MTSS1: variants seen among roughly 807,000 people sequenced by gnomAD.
MTSS1 encodes the protein MTSS I-BAR domain containing 1, also known as protein MTSS 1.
A neutral mutation model predicts 79.0 loss-of-function variants in MTSS1; 18 were observed. That is an observed-to-expected ratio of 0.23 (90% CI 0.16 to 0.34). MTSS1 has a LOEUF of 0.34. Ranked by LOEUF, MTSS1 falls within the 10% of genes least tolerant of loss-of-function variation. The pLI is 1.00. For missense variants in MTSS1, 815 were observed against 986.2 expected, an observed-to-expected ratio of 0.83 and a Z score of 2.33; for synonymous variants, 341 against 368.6, an observed-to-expected ratio of 0.93 and a Z score of 0.86.
At chr8:124,589,044 T>G (rs1831368119) in intron 5 of MTSS1, among the ~76,000 whole-genome samples, 1 of 149,612 alleles carries the variant, frequency 6.7e-6, no homozygotes, top group South Asian at 2.1e-4. Flanking sequence ...TTTTTTTTGT[T>G]TTTTGAGATG....
intron 3 of MTSS1, among the ~76,000 whole-genome samples, chr8:124,636,199 C>T (rs112244795): frequency 2.0e-5 from 3 of 152,080 alleles, no homozygotes; most frequent in Non-Finnish European, 4.4e-5. Context: ...GCACGATCTC[C>T]GCTCACTGCA....
At chr8:124,715,333 CT>C (rs1261196994) in intron 1 of MTSS1, among the ~76,000 whole-genome samples, 38 of 152,214 alleles carry the variant, frequency 2.5e-4, no homozygotes, top group African/African-American at 9.2e-4. Flanking sequence ...ATGTTCTTTT[CT>C]TTTTCTCTTT....
intron 3 of MTSS1, among the ~76,000 whole-genome samples, chr8:124,625,049 A>T (rs1393739677): frequency 6.6e-6 from 1 of 152,198 alleles, no homozygotes; most frequent in Non-Finnish European, 1.5e-5. Context: ...CCAAAAATGC[A>T]AATCTTTTCT....
intron 3 of MTSS1, among the ~76,000 whole-genome samples, chr8:124,634,868 T>C (rs1816705119): frequency 1.3e-5 from 2 of 152,180 alleles, no homozygotes; most frequent in Admixed American, 1.3e-4. Context: ...TTTGACAGGA[T>C]CCCAAGCAAT....
rs1364068093 is a variant in MTSS1 at position 124,683,925 on chromosome 8, C to G, written c.208+15601G>C. 6.6e-6 allele frequency among the ~76,000 whole-genome samples: 1 copy of G among 152,112 alleles called. No individual in the cohort carries two copies. Among genetic ancestry groups the G allele is most frequent in the Non-Finnish European group, 1.5e-5 (1 of 68,020 alleles). ...CATTTCCATTATCAAACCAAGGAGACCGAAAAAGTGACCTGGGCCATAGGA... is the reference window on the plus strand; with the variant it reads ...CATTTCCATTATCAAACCAAGGAGAGCGAAAAAGTGACCTGGGCCATAGGA... On this transcript the variant is annotated intron_variant, in intron 3 of 13. Transcript: ENST00000518547. The surrounding 1 kb of genome is among the most constrained non-coding windows in gnomAD (Gnocchi z 4.5).
intron 1 of MTSS1, among the ~76,000 whole-genome samples, chr8:124,714,993 C>G (rs965454771): frequency 6.6e-6 from 1 of 152,204 alleles, no homozygotes; most frequent in African/African-American, 2.4e-5. Flanking sequence ...GTGTTTATTC[C>G]TGTCTATAAA....
At position 124,555,726 on chromosome 8, in the gene MTSS1, C is replaced by T. The variant is rs1265669512; in HGVS notation, c.1567+16G>A. ...TGCTCAGAAAGCCTAAGTGCACACC[C>T]CAGGCTGCCTCGTACCTTGGGAAGG... On this transcript the variant is annotated intron_variant, in intron 13 of 13. Transcript: ENST00000518547. 1.3e-6 allele frequency: 2 copies of T among 1,593,210 alleles called. No individual in the cohort carries two copies. Among genetic ancestry groups the T allele is most frequent in the African/African-American group, 1.3e-5 (1 of 74,640 alleles).
chr8:124,631,229 C>G (rs557314888), intron 3 of MTSS1, among the ~76,000 whole-genome samples: 2 of 152,166 alleles, frequency 1.3e-5, no homozygotes, highest in African/African-American at 4.8e-5. Context: ...ATTCCAGGCA[C>G]GCTGCCACAG....
chr8:124,723,518 AG>A (rs11348924), intron 1 of MTSS1, among the ~76,000 whole-genome samples: 152,239 of 152,240 alleles, frequency 1, 76,119 homozygotes, highest in Middle Eastern at 1. Context: ...CTAAATAGGG[AG>A]GGGGTTTTCA....
At chr8:124,726,306 T>C (rs1833692164) in intron 1 of MTSS1, among the ~76,000 whole-genome samples, 1 of 152,076 alleles carries the variant, frequency 6.6e-6, no homozygotes, top group African/African-American at 2.4e-5. Flanking sequence ...GATTCTGGAT[T>C]AAAGAACAAA....
intron 9 of MTSS1, among the ~76,000 whole-genome samples, chr8:124,563,868 C>T (rs762828869): frequency 4.6e-5 from 7 of 152,176 alleles, no homozygotes; most frequent in Non-Finnish European, 1.0e-4. Context: ...CGGTGGCTTA[C>T]GCCTGTAATC....
At chr8:124,708,659 C>T (rs1830720496) in intron 1 of MTSS1, among the ~76,000 whole-genome samples, 1 of 152,134 alleles carries the variant, frequency 6.6e-6, no homozygotes, top group African/African-American at 2.4e-5. Flanking sequence ...TATCTGCCCC[C>T]ACTTGGAGCG....
chr8:124,726,469 G>A (rs904874661), intron 1 of MTSS1, among the ~76,000 whole-genome samples: 1 of 152,220 alleles, frequency 6.6e-6, no homozygotes, highest in Non-Finnish European at 1.5e-5. Context: ...TGGGCAAGCA[G>A]AGTCTGGCTG....
chr8:124,666,600 A>G (rs1168558166), intron 3 of MTSS1, among the ~76,000 whole-genome samples: 1 of 152,178 alleles, frequency 6.6e-6, no homozygotes, highest in East Asian at 1.9e-4. Context: ...AAACTGAGTG[A>G]CTATGTACCT....
intron 1 of MTSS1, among the ~76,000 whole-genome samples, chr8:124,716,422 G>A (rs1441346264): frequency 1.3e-5 from 2 of 152,212 alleles, no homozygotes; most frequent in Non-Finnish European, 1.5e-5. Flanking sequence ...CGGGGATGGG[G>A]ACACATGTGC....
Position 124,562,858 on chromosome 8 carries a change from T to C in MTSS1, c.959A>G (p.His320Arg), listed in dbSNP as rs1825635703. 1 of 1,613,968 alleles carries C rather than the reference T, an allele frequency of 6.2e-7. No individual in the cohort carries two copies. Among genetic ancestry groups the C allele is most frequent in the South Asian group, 1.1e-5 (1 of 91,064 alleles). The change falls in exon 10 of 14, where the codon CAT becomes CGT. Residue 320 changes from histidine (H) to arginine (R), a missense_variant. Physicochemically the swap from His to Arg is conservative, Grantham distance 29 (BLOSUM62 0). This residue lies in a region of MTSS1 where 590 missense variants were observed against 620.8 expected (regional missense o/e 0.95). Transcript: ENST00000518547. ...APVRLSSVSS[H>R]DSGFISQDAF... is the part of the protein sequence containing the mutation. The stretch of plus-strand genomic sequence containing the variant: ...ATCCTGGGATATGAATCCTGAGTCA[T>C]GGGAGGACACGCTGGACAGCCTCAC...
intron 3 of MTSS1, among the ~76,000 whole-genome samples, chr8:124,667,647 A>G (rs1353794336): frequency 6.6e-6 from 1 of 152,142 alleles, no homozygotes; most frequent in Non-Finnish European, 1.5e-5. Context: ...TCCGTCTCAA[A>G]AAATAAAAAA....
chr8:124,632,047 C>T lies in MTSS1; in HGVS notation c.209-40812G>A, dbSNP rs185209835. 2.9e-3 allele frequency among the ~76,000 whole-genome samples: 439 copies of T among 152,294 alleles called. 2 individuals carry two copies. The highest frequency in any genetic ancestry group is 5.1e-3 in the Non-Finnish European group (346 of 68,032). The stretch of plus-strand genomic sequence containing the variant: ...AGCCCAACACTTTGGGAGGCCAAGA[C>T]AGGAGAATCGCTTGAGCCCAGCAGT... On this transcript the variant is annotated intron_variant, in intron 3 of 13. Coordinates refer to ENST00000518547, the MANE Select transcript of MTSS1 (RefSeq NM_014751.6).
intron 2 of MTSS1, among the ~76,000 whole-genome samples, chr8:124,701,801 T>C (rs1233802154): frequency 6.6e-6 from 1 of 152,206 alleles, no homozygotes; most frequent in Admixed American, 6.5e-5. Context: ...CAGAGCAAAC[T>C]TGTAACCAAC....
Sources: allele counts gnomAD v4.1 joint callset (sites outside exome capture counted in the v4.1 genomes callset), GRCh38; gene constraint gnomAD v4.1.1; regional missense constraint gnomAD v4.1.1; non-coding constraint Gnocchi (gnomAD v3.1); transcripts MANE v1.5; gene names NCBI Gene and HGNC (gene_info 2026-07-23, HGNC 2026-07-21).